Variants in DPP6 observed in about 807,000 individuals in gnomAD.
The protein encoded by DPP6 is dipeptidyl peptidase like 6.
In DPP6, 69 loss-of-function variants were observed where a neutral mutation model predicts 122.6. The ratio of observed to expected loss-of-function variants is 0.56; its 90% CI spans 0.46 to 0.69. The LOEUF (loss-of-function observed/expected upper bound fraction) is 0.69, where lower values mean the gene tolerates loss of function less well. Among genes scored for constraint, DPP6 ranks in the 30% least tolerant of loss-of-function variants. DPP6 has a pLI of 0.00. For missense variants in DPP6, 928 were observed against 1,116.9 expected, an observed-to-expected ratio of 0.83 and a Z score of 2.41; for synonymous variants, 418 against 433.1, an observed-to-expected ratio of 0.97 and a Z score of 0.43.
At chr7:154,185,117 C>T (rs10256486) in intron 1 of DPP6, among the ~76,000 whole-genome samples, 62,993 of 152,016 alleles carry the variant, frequency 0.41, 15,088 homozygotes, top group African/African-American at 0.67. Context: ...TCAGTCTTTG[C>T]ATTGTACTGT....
the DPP6 span, among the ~76,000 whole-genome samples, chr7:153,775,418 A>G: frequency 6.6e-6 from 1 of 151,226 alleles, no homozygotes; most frequent in Admixed American, 6.6e-5. Flanking sequence ...AAGGGTTTCT[A>G]TAAACAAGTT....
At chr7:154,366,276 G>A (rs1436704977) in intron 1 of DPP6, among the ~76,000 whole-genome samples, 1 of 152,336 alleles carries the variant, frequency 6.6e-6, no homozygotes, top group East Asian at 1.9e-4. Flanking sequence ...TGACTAGCTG[G>A]TAAAACGAGT....
chr7:154,628,794 C>G (rs1219497450), intron 5 of DPP6, among the ~76,000 whole-genome samples: 1 of 152,126 alleles, frequency 6.6e-6, no homozygotes. Flanking sequence ...GCTGCTACAT[C>G]GTGCAGGACC....
intron 1 of DPP6, among the ~76,000 whole-genome samples, chr7:153,948,344 TGAGA>T (rs576253584): frequency 4.6e-5 from 7 of 151,928 alleles, no homozygotes; most frequent in Non-Finnish European, 1.0e-4. Context: ...TATGTACGGG[TGAGA>T]GAGAGAGCAC....
the DPP6 span, among the ~76,000 whole-genome samples, chr7:153,775,776 G>A: frequency 6.6e-6 from 1 of 152,146 alleles, no homozygotes; most frequent in East Asian, 1.9e-4. Context: ...TTGTTTTTCT[G>A]TGTTCTAGCA....
At chr7:153,782,789 T>C in the DPP6 span, among the ~76,000 whole-genome samples, 1 of 152,314 alleles carries the variant, frequency 6.6e-6, no homozygotes, top group Admixed American at 6.5e-5. Flanking sequence ...CCTCTTGCCC[T>C]GTGCATCTCT....
chr7:153,866,215 G>A, the DPP6 span, among the ~76,000 whole-genome samples: 201 of 152,208 alleles, frequency 1.3e-3, 3 homozygotes, highest in African/African-American at 4.1e-3. Context: ...CTAGATCCCC[G>A]AGGAATCGCC....
intron 1 of DPP6, among the ~76,000 whole-genome samples, chr7:154,287,351 G>A (rs952136101): frequency 6.6e-6 from 1 of 152,222 alleles, no homozygotes. Context: ...GGATGACCCT[G>A]CCTTTCTAGA....
intron 7 of DPP6, among the ~76,000 whole-genome samples, chr7:154,715,052 A>ATCTTT (rs1219318420): frequency 7.2e-5 from 11 of 151,736 alleles, no homozygotes; most frequent in Non-Finnish European, 1.5e-4. Context: ...ATTTTATTTT[A>ATCTTT]TCTTATCTTA....
intron 8 of DPP6, among the ~76,000 whole-genome samples, chr7:154,739,142 C>T (rs555808543): frequency 2.6e-5 from 4 of 152,272 alleles, no homozygotes; most frequent in South Asian, 2.1e-4. Flanking sequence ...GGCACTTCTA[C>T]GCATGACTCA....
At chr7:153,942,973 G>T (rs1170783491) in intron 1 of DPP6, among the ~76,000 whole-genome samples, 5 of 152,152 alleles carry the variant, frequency 3.3e-5, no homozygotes, top group Non-Finnish European at 5.9e-5. Flanking sequence ...TTGACCTGAT[G>T]CTAATGGTCA....
chr7:154,082,058 TC>T (rs1804053015), intron 1 of DPP6, among the ~76,000 whole-genome samples: 1 of 152,100 alleles, frequency 6.6e-6, no homozygotes, highest in Non-Finnish European at 1.5e-5. Context: ...ACTTCAACCC[TC>T]TTAGAACCTT....
chr7:154,412,981 T>C (rs1257185742), intron 1 of DPP6, among the ~76,000 whole-genome samples: 2 of 152,206 alleles, frequency 1.3e-5, no homozygotes, highest in African/African-American at 4.8e-5. Flanking sequence ...TTTAGAAGAT[T>C]CCACATGTGG....
At chr7:154,571,517 G>A (rs1831109217) in intron 5 of DPP6, among the ~76,000 whole-genome samples, 2 of 152,098 alleles carry the variant, frequency 1.3e-5, no homozygotes, top group South Asian at 4.1e-4. Flanking sequence ...TAATTTCAAA[G>A]ACCTAAGAGA....
At chr7:154,871,969 T>G (rs1189456228) in intron 18 of DPP6, among the ~76,000 whole-genome samples, 1 of 152,184 alleles carries the variant, frequency 6.6e-6, no homozygotes, top group Non-Finnish European at 1.5e-5. Context: ...CCACTGGATT[T>G]CATGCTGCTG....
Position 154,727,805 on chromosome 7 carries a change from T to A in DPP6, c.801T>A (p.His267Gln). ...AAAACAATATCTACTACTGTGCACATGTCGGGAAACAGGCCATCCGTGTGG... is the reference window on the plus strand; with the variant it reads ...AAAACAATATCTACTACTGTGCACAAGTCGGGAAACAGGCCATCCGTGTGG... ...IFENNIYYCAHVGKQAIRVVS... is the reference protein window; with the variant it reads ...IFENNIYYCAQVGKQAIRVVS... Residue 267 changes from histidine to glutamine, a missense_variant, in exon 8 of 26, where the codon CAT (histidine) becomes CAA (glutamine). Physicochemically the swap from His to Gln is conservative, Grantham distance 24 (BLOSUM62 0). Transcript: ENST00000377770. 1 of 1,613,396 alleles carries A rather than the reference T, an allele frequency of 6.2e-7. No individual in the cohort carries two copies. Among genetic ancestry groups the A allele is most frequent in the South Asian group, 1.1e-5 (1 of 91,068 alleles).
chr7:154,695,094 C>T lies in DPP6; in HGVS notation c.762+25653C>T, dbSNP rs566186901. Among the ~76,000 whole-genome samples, 5 of 152,252 alleles carry T rather than the reference C, an allele frequency of 3.3e-5. No individual in the cohort carries two copies. The South Asian group carries it at 6.2e-4, about 19-fold the overall frequency. ...GGGTCAGCAAGTGATATTAGGAAGACGGGGGTGAGATGGTATCAAATGAAG... is the reference window on the plus strand; with the variant it reads ...GGGTCAGCAAGTGATATTAGGAAGATGGGGGTGAGATGGTATCAAATGAAG... On this transcript the variant is annotated intron_variant, in intron 7 of 25. Coordinates refer to ENST00000377770, the MANE Select transcript of DPP6 (RefSeq NM_130797.4).
chr7:154,794,335 C>A, intron 11 of DPP6, 133 bp downstream of exon 11: 1 of 1,363,938 alleles, frequency 7.3e-7, no homozygotes, highest in Non-Finnish European at 9.5e-7. Context: ...CTGCGGGGAG[C>A]CCGCGGCGCA....
chr7:154,863,007 T>A lies in DPP6; in HGVS notation c.1715-4988T>A, dbSNP rs1803547885. The stretch of plus-strand genomic sequence containing the variant: ...TTGACCTCCTGGGCTCAAGCAATCC[T>A]CCCACCTCAGCCCCACAAGTAGCTG... On this transcript the variant is annotated intron_variant, in intron 17 of 25. Coordinates refer to ENST00000377770, the MANE Select transcript of DPP6 (RefSeq NM_130797.4). The surrounding 1 kb of genome is among the most constrained non-coding windows in gnomAD (Gnocchi z 4.1). Among the ~76,000 whole-genome samples, 1 of 152,080 alleles carries A rather than the reference T, an allele frequency of 6.6e-6. No individual in the cohort carries two copies. Among genetic ancestry groups the A allele is most frequent in the South Asian group, 2.1e-4 (1 of 4,816 alleles).
Sources: allele counts gnomAD v4.1 joint callset (sites outside exome capture counted in the v4.1 genomes callset), GRCh38; gene constraint gnomAD v4.1.1; non-coding constraint Gnocchi (gnomAD v3.1); transcripts MANE v1.5; gene names NCBI Gene and HGNC (gene_info 2026-07-23, HGNC 2026-07-21).